CAMK2D: variants seen among roughly 807,000 people sequenced by gnomAD.
The protein encoded by CAMK2D is calcium/calmodulin-dependent protein kinase type II subunit delta.
A neutral mutation model predicts 84.0 loss-of-function variants in CAMK2D; 37 were observed. The ratio of observed to expected loss-of-function variants is 0.44; its 90% CI spans 0.34 to 0.58. The LOEUF is 0.58. CAMK2D is among the 20% of genes least tolerant of loss of function. CAMK2D has a pLI of 0.02. For synonymous variants in CAMK2D, 202 were observed against 212.5 expected (o/e 0.95, Z 0.43); for missense variants, 448 against 652.5 (o/e 0.69, Z 3.41).
intron 6 of CAMK2D, among the ~76,000 whole-genome samples, chr4:113,546,530 T>C (rs187264608): frequency 9.7e-4 from 148 of 152,318 alleles, no homozygotes; most frequent in Admixed American, 3.7e-3. Context: ...ATGTAATTGG[T>C]TTAGAGATAT....
intron 16 of CAMK2D, 53 bp downstream of exon 16, chr4:113,500,408 CAT>C: frequency 1.1e-5 from 12 of 1,054,898 alleles, no homozygotes; most frequent in South Asian, 1.1e-4. Context: ...CTTTTTTTTT[CAT>C]ATATATATGT....
intron 4 of CAMK2D, among the ~76,000 whole-genome samples, chr4:113,585,406 T>TACACACATATACATGTGTGTATATATGC (rs2098829272): frequency 1.3e-5 from 2 of 152,146 alleles, no homozygotes; most frequent in African/African-American, 2.4e-5. Context: ...CATACATACA[T>TACACACATATACATGTGTGTATATATGC]ACACACATAT....
chr4:113,539,833 AC>A (rs1303664828), intron 6 of CAMK2D, among the ~76,000 whole-genome samples: 2 of 152,206 alleles, frequency 1.3e-5, no homozygotes. Context: ...AACCTAAAAT[AC>A]AGAATTATAT....
chr4:113,731,233 TA>T (rs2099568112), intron 2 of CAMK2D, among the ~76,000 whole-genome samples: 1 of 152,168 alleles, frequency 6.6e-6, no homozygotes, highest in Admixed American at 6.5e-5. Context: ...AACTAAGGGT[TA>T]GGAGAACTAA....
chr4:113,729,155 T>C (rs1224473054), intron 2 of CAMK2D, among the ~76,000 whole-genome samples: 1 of 152,212 alleles, frequency 6.6e-6, no homozygotes, highest in African/African-American at 2.4e-5. Context: ...TCATCGTCTC[T>C]TTCCTGCATT....
chr4:113,486,755 T>A (rs2097769291), intron 16 of CAMK2D, among the ~76,000 whole-genome samples: 1 of 152,246 alleles, frequency 6.6e-6, no homozygotes, highest in East Asian at 1.9e-4. Flanking sequence ...AGCTGCCTTG[T>A]TGAGTTTCCC....
chr4:113,482,985 G>A (rs984886715), intron 16 of CAMK2D, among the ~76,000 whole-genome samples: 1 of 152,138 alleles, frequency 6.6e-6, no homozygotes, highest in African/African-American at 2.4e-5. Flanking sequence ...CGTTGGCCAA[G>A]GGAAAAATGT....
At chr4:113,520,205 C>T (rs754737775) in intron 8 of CAMK2D, among the ~76,000 whole-genome samples, 15 of 151,734 alleles carry the variant, frequency 9.9e-5, no homozygotes, top group Non-Finnish European at 1.9e-4. Flanking sequence ...CAGGTGATCA[C>T]GACCAGCCTG....
intron 4 of CAMK2D, among the ~76,000 whole-genome samples, chr4:113,598,359 C>A (rs959672552): frequency 6.6e-6 from 1 of 152,080 alleles, no homozygotes; most frequent in African/African-American, 2.4e-5. Context: ...CAGACACAGA[C>A]CTTACACCTT....
intron 2 of CAMK2D, among the ~76,000 whole-genome samples, chr4:113,697,037 T>C (rs2099405049): frequency 1.3e-5 from 2 of 152,082 alleles, no homozygotes; most frequent in African/African-American, 2.4e-5. Context: ...CAAGGAGTCT[T>C]GATTTGGTAC....
At chr4:113,484,767 T>A (rs1194523250) in intron 16 of CAMK2D, among the ~76,000 whole-genome samples, 1 of 152,148 alleles carries the variant, frequency 6.6e-6, no homozygotes, top group Non-Finnish European at 1.5e-5. Flanking sequence ...TTACAAAAGA[T>A]AAGCTATTAT....
intron 4 of CAMK2D, among the ~76,000 whole-genome samples, chr4:113,571,358 T>C (rs2098752770): frequency 6.6e-6 from 1 of 152,190 alleles, no homozygotes; most frequent in African/African-American, 2.4e-5. Flanking sequence ...CACTGCAGCA[T>C]TAACAATAGC....
At chr4:113,459,583 T>C (rs1231623402) in intron 18 of CAMK2D, among the ~76,000 whole-genome samples, 1 of 151,996 alleles carries the variant, frequency 6.6e-6, no homozygotes, top group Non-Finnish European at 1.5e-5. Context: ...AACTGCTTTA[T>C]AGCTTATATT....
intron 3 of CAMK2D, among the ~76,000 whole-genome samples, chr4:113,647,314 T>C (rs2099155957): frequency 6.6e-6 from 1 of 152,246 alleles, no homozygotes; most frequent in South Asian, 2.1e-4. Context: ...TTTAATTAGA[T>C]ACAATATAAA....
intron 8 of CAMK2D, 38 bp downstream of exon 8, chr4:113,531,178 G>C (rs1256737546): frequency 1.9e-6 from 2 of 1,047,108 alleles, no homozygotes; most frequent in Admixed American, 3.4e-5. Flanking sequence ...TAAGACACTA[G>C]CTTATCACAA....
chr4:113,647,760 T>C (rs929792314), intron 3 of CAMK2D, among the ~76,000 whole-genome samples: 1 of 152,274 alleles, frequency 6.6e-6, no homozygotes, highest in Non-Finnish European at 1.5e-5. Context: ...TGGTTCCATC[T>C]CTTTTCTCTC....
chr4:113,703,138 A>G (rs938706009), intron 2 of CAMK2D, among the ~76,000 whole-genome samples: 5 of 152,168 alleles, frequency 3.3e-5, no homozygotes, highest in African/African-American at 1.2e-4. Flanking sequence ...AGCTGTTGAG[A>G]ATACAGATTG....
At chr4:113,714,650 T>C (rs185922720) in intron 2 of CAMK2D, among the ~76,000 whole-genome samples, 1 of 152,228 alleles carries the variant, frequency 6.6e-6, no homozygotes, top group East Asian at 1.9e-4. Flanking sequence ...GAAAGAAATC[T>C]GTACAAACAG....
Position 113,709,746 on chromosome 4 carries a change from GATATATATATATATAT to G in CAMK2D, c.161-47990_161-47975del, listed in dbSNP as rs397995032. ...GAGTGAAAAGCTAAAAGCCGTGAAC[GATATATATATATATAT>G]ATATATATATATATATATATGAGAG... On this transcript the variant is annotated intron_variant, in intron 2 of 20. Transcript: ENST00000511664. Among the ~76,000 whole-genome samples the G allele has an allele frequency of 2.2e-3, 110 of 49,810 alleles. 6 individuals are homozygous for G. The highest frequency in any genetic ancestry group is 8.4e-3 in the African/African-American group (75 of 8,930). 32.7% of individuals were successfully genotyped at this position (49,810 alleles called of 152,430 possible).
Sources: allele counts gnomAD v4.1 joint callset (sites outside exome capture counted in the v4.1 genomes callset), GRCh38; gene constraint gnomAD v4.1.1; transcripts MANE v1.5; gene names NCBI Gene and HGNC (gene_info 2026-07-23, HGNC 2026-07-21).